Variants in OSTF1 observed in about 807,000 individuals in gnomAD.
OSTF1 encodes osteoclast stimulating factor 1, also known as osteoclast-stimulating factor 1.
A neutral mutation model predicts 37.2 loss-of-function variants in OSTF1; 27 were observed. The observed-to-expected ratio is 0.73, with a 90% CI of 0.54 to 1.00. The LOEUF is 1.00. OSTF1 is among the 50% of genes least tolerant of loss of function. The pLI is 0.00. For missense variants in OSTF1, 232 were observed against 253.8 expected (o/e 0.91, Z 0.58); for synonymous variants, 82 against 89.2 (o/e 0.92, Z 0.46).
intron 2 of OSTF1, among the ~76,000 whole-genome samples, chr9:75,123,355 C>T (rs1403329272): frequency 3.9e-5 from 6 of 152,110 alleles, no homozygotes; most frequent in Non-Finnish European, 7.3e-5. Context: ...CCTTGGGGGG[C>T]GGAGCCTGCA....
rs34855201 is a variant in OSTF1, at chr9:75,147,033, AT to A, written c.*314del. ...TTTTTTTCTTTAAAAACAAATTAGG[AT>A]TTTTTTTTTTTTTTTTTTTTTAGTT... On this transcript the variant is annotated 3_prime_UTR_variant, in exon 10 of 10. Transcript: ENST00000346234. The A allele has an allele frequency of 0.22, 24,133 of 107,946 alleles. 2,124 individuals are homozygous for A. Among genetic ancestry groups the A allele is most frequent in the Admixed American group, 0.29 (2,752 of 9,626 alleles). 6.7% of individuals were successfully genotyped at this position (107,946 alleles called of 1,614,324 possible). A position where few individuals can be genotyped will look rare whatever the true frequency, so the allele number is the denominator to read the frequency against.
chr9:75,128,659 T>C (rs1488527717), intron 3 of OSTF1, among the ~76,000 whole-genome samples: 1 of 137,440 alleles, frequency 7.3e-6, no homozygotes, highest in Non-Finnish European at 1.6e-5. Context: ...AAGGGTAAAT[T>C]GTTTTAAATC....
At chr9:75,139,058 T>TTTCTTTCTTTCTTTCTTTCTTTC (rs1587477768) in intron 8 of OSTF1, among the ~76,000 whole-genome samples, 1 of 47,252 alleles carries the variant, frequency 2.1e-5, no homozygotes, top group Admixed American at 1.7e-4. Flanking sequence ...TTCTTTCTTT[T>TTTCTTTCTTTCTTTCTTTCTTTC]TTTTTTGAAA....
chr9:75,134,118 G>C (rs1324917498), intron 6 of OSTF1, among the ~76,000 whole-genome samples: 1 of 152,078 alleles, frequency 6.6e-6, no homozygotes, highest in Non-Finnish European at 1.5e-5. Flanking sequence ...ATTCCTCTAA[G>C]TGTCATATGA....
At chr9:75,138,928 C>T (rs1188575236) in intron 8 of OSTF1, among the ~76,000 whole-genome samples, 2 of 151,868 alleles carry the variant, frequency 1.3e-5, no homozygotes, top group African/African-American at 4.8e-5. Context: ...GAATGATCTG[C>T]TTAGGAGAAA....
At chr9:75,144,332 C>T (rs887750969) in intron 9 of OSTF1, among the ~76,000 whole-genome samples, 25 of 152,090 alleles carry the variant, frequency 1.6e-4, no homozygotes, top group African/African-American at 6.0e-4. Flanking sequence ...GGGAGGATTG[C>T]TTGCATCTGG....
chr9:75,130,186 T>G (rs908290087), intron 3 of OSTF1, among the ~76,000 whole-genome samples: 33 of 152,088 alleles, frequency 2.2e-4, no homozygotes, highest in African/African-American at 7.7e-4. Flanking sequence ...ACCCCCAAAA[T>G]GAAGATAATA....
chr9:75,088,538 G>C lies in OSTF1; in HGVS notation c.-155G>C, dbSNP rs1310480013. 8 of 787,860 alleles carry C rather than the reference G, an allele frequency of 1.0e-5. No homozygotes were observed. The highest frequency in any genetic ancestry group is 3.4e-5 in the African/African-American group (2 of 58,284). 48.8% of individuals were successfully genotyped at this position (787,860 alleles called of 1,614,324 possible). ...CACTCGGCGGAGCCGCTCTGCCTGC[G>C]TCCGCTCTTCCCGCAGCCAAGGGTG... On this transcript the variant is annotated 5_prime_UTR_variant, in exon 1 of 10. Coordinates refer to ENST00000346234, the MANE Select transcript of OSTF1 (RefSeq NM_012383.5).
chr9:75,098,672 C>T (rs956141211), intron 1 of OSTF1, among the ~76,000 whole-genome samples: 2 of 152,178 alleles, frequency 1.3e-5, no homozygotes, highest in East Asian at 1.9e-4. Flanking sequence ...TTTAGAAATT[C>T]TCTGTGCAAA....
intron 1 of OSTF1, among the ~76,000 whole-genome samples, chr9:75,105,224 C>A (rs1825263023): frequency 6.6e-6 from 1 of 152,160 alleles, no homozygotes; most frequent in South Asian, 2.1e-4. Flanking sequence ...AGCTGCAGAT[C>A]TTCATGCTGT....
chr9:75,095,449 GAGA>G (rs1825058602), intron 1 of OSTF1, among the ~76,000 whole-genome samples: 1 of 152,196 alleles, frequency 6.6e-6, no homozygotes, highest in South Asian at 2.1e-4. Flanking sequence ...TGAGGCAGCT[GAGA>G]AGATGTTACG....
At position 75,131,770 on chromosome 9, in the gene OSTF1, T is replaced by C. The variant is rs1322290948; in HGVS notation, c.197T>C (p.Val66Ala). Residue 66 changes from valine to alanine, a missense_variant and splice_region_variant, in exon 5 of 10, where the codon GTG becomes GCG. Transcript: ENST00000346234. The stretch of plus-strand genomic sequence containing the variant: ...TTAACACTTTTTATTTTCAATCTAG[T>C]GGCTGAGCAGGCAGAATCCATTGAC... The part of the protein sequence containing the change: ...GRTGLIPSNY[V>A]AEQAESIDNP... 3.1e-6 allele frequency: 5 copies of C among 1,613,090 alleles called. No homozygotes were observed. The highest frequency in any genetic ancestry group is 4.2e-6 in the Non-Finnish European group (5 of 1,179,158).
At chr9:75,104,538 G>A (rs757413839) in intron 1 of OSTF1, among the ~76,000 whole-genome samples, 1 of 152,002 alleles carries the variant, frequency 6.6e-6, no homozygotes, top group Non-Finnish European at 1.5e-5. Context: ...AGACCCTGTC[G>A]CTAAAATTAA....
intron 1 of OSTF1, among the ~76,000 whole-genome samples, chr9:75,101,716 T>C (rs2118422030): frequency 6.6e-6 from 1 of 152,354 alleles, no homozygotes; most frequent in Non-Finnish European, 1.5e-5. Flanking sequence ...CTAGAAATAG[T>C]AAAATACCCT....
At chr9:75,131,707 G>A (rs564486717) in intron 4 of OSTF1, 63 bp from the exon 5 acceptor site, 2 of 1,235,916 alleles carry the variant, frequency 1.6e-6, no homozygotes, top group East Asian at 4.6e-5. Flanking sequence ...TGAATGAGTG[G>A]CTTCAGTAAA....
chr9:75,100,940 T>C (rs993494126), intron 1 of OSTF1, among the ~76,000 whole-genome samples: 1 of 152,324 alleles, frequency 6.6e-6, no homozygotes, highest in Middle Eastern at 3.4e-3. Context: ...TTTCACTTCC[T>C]GGCCTTCCCG....
At chr9:75,090,441 G>T (rs1824952230) in intron 1 of OSTF1, among the ~76,000 whole-genome samples, 1 of 152,052 alleles carries the variant, frequency 6.6e-6, no homozygotes, top group Non-Finnish European at 1.5e-5. Flanking sequence ...ACATCAGAAA[G>T]CTTATGGTTA....
intron 1 of OSTF1, among the ~76,000 whole-genome samples, chr9:75,106,799 CA>C (rs1345510778): frequency 1.3e-5 from 2 of 150,942 alleles, no homozygotes; most frequent in African/African-American, 2.4e-5. Flanking sequence ...ACTAAAAATA[CA>C]AAAATTAGCT....
chr9:75,095,213 C>G (rs1196327339), intron 1 of OSTF1, among the ~76,000 whole-genome samples: 2 of 152,178 alleles, frequency 1.3e-5, no homozygotes, highest in African/African-American at 4.8e-5. Flanking sequence ...TGCTTACACA[C>G]GTAAATCCAT....
Sources: gnomAD v4.1 joint callset for allele counts (sites outside exome capture counted in the v4.1 genomes callset) on GRCh38, gnomAD v4.1.1 for gene constraint, MANE v1.5 for transcripts, NCBI Gene and HGNC (gene_info 2026-07-23, HGNC 2026-07-21) for gene names.